The following TIAM1 variants were observed in gnomAD, a reference collection of about 807,000 sequenced individuals.
The protein encoded by TIAM1 is rho guanine nucleotide exchange factor TIAM1.
TIAM1 carries 65 observed loss-of-function variants against 163.5 expected under a neutral mutation model. The ratio of observed to expected loss-of-function variants is 0.40; its 90% CI spans 0.33 to 0.49. TIAM1 has a LOEUF of 0.49. Among genes scored for constraint, TIAM1 ranks in the 20% least tolerant of loss-of-function variants. The probability of loss-of-function intolerance (pLI) is 0.77; values close to 1 mark genes in which losing one functional copy is unlikely to be tolerated. For synonymous variants in TIAM1, 833 were observed against 810.1 expected, an observed-to-expected ratio of 1.03 and a Z score of -0.48; for missense variants, 1,789 against 2,044.7, an observed-to-expected ratio of 0.87 and a Z score of 2.41.
chr21:31,352,838 G>C, intron 2 of TIAM1, among the ~76,000 whole-genome samples: 1 of 150,908 alleles, frequency 6.6e-6, no homozygotes. Context: ...TCATGCCACT[G>C]CACTGTAGCC....
chr21:31,162,324 C>T (rs2083967858), intron 16 of TIAM1, among the ~76,000 whole-genome samples: 1 of 152,102 alleles, frequency 6.6e-6, no homozygotes, highest in Admixed American at 6.5e-5. Context: ...AGTATTACTT[C>T]TCATTTACTA....
chr21:31,556,709 C>T (rs190562052), intron 1 of TIAM1, among the ~76,000 whole-genome samples: 1 of 152,304 alleles, frequency 6.6e-6, no homozygotes, highest in Admixed American at 6.5e-5. Context: ...ACATTCACAA[C>T]ATTTTGAAGA....
At chr21:31,366,016 G>A (rs2076499055) in intron 2 of TIAM1, among the ~76,000 whole-genome samples, 1 of 149,936 alleles carries the variant, frequency 6.7e-6, no homozygotes, top group Non-Finnish European at 1.5e-5. Flanking sequence ...TAACCCGGGA[G>A]GTGGAGGTTG....
At chr21:31,476,405 C>T (rs2045937192) in intron 1 of TIAM1, among the ~76,000 whole-genome samples, 1 of 152,154 alleles carries the variant, frequency 6.6e-6, no homozygotes, top group African/African-American at 2.4e-5. Flanking sequence ...AGGGCTTGGG[C>T]CATTTCAGGA....
intron 19 of TIAM1, among the ~76,000 whole-genome samples, chr21:31,148,548 C>T (rs2083239380): frequency 6.6e-6 from 1 of 152,072 alleles, no homozygotes; most frequent in African/African-American, 2.4e-5. Flanking sequence ...AGAGTCATAC[C>T]CAAGAATTAA....
At chr21:31,278,647 T>C (rs1016107591) in intron 2 of TIAM1, among the ~76,000 whole-genome samples, 3 of 152,186 alleles carry the variant, frequency 2.0e-5, no homozygotes, top group African/African-American at 7.2e-5. Flanking sequence ...AATGGAACAA[T>C]AAGCAAAGAC....
chr21:31,542,402 G>T (rs1472767458), intron 1 of TIAM1, among the ~76,000 whole-genome samples: 2 of 151,830 alleles, frequency 1.3e-5, no homozygotes, highest in Admixed American at 1.3e-4. Flanking sequence ...ACTCCAGCCT[G>T]GGGGATAGAG....
intron 2 of TIAM1, among the ~76,000 whole-genome samples, chr21:31,450,703 C>T (rs966945751): frequency 3.3e-5 from 5 of 152,144 alleles, no homozygotes; most frequent in Non-Finnish European, 5.9e-5. Flanking sequence ...GCTGGGGAGG[C>T]CTCACAATCG....
At chr21:31,203,089 C>T (rs2833335) in intron 11 of TIAM1, 77 bp from the exon 12 acceptor site, 145,092 of 1,135,478 alleles carry the variant, frequency 0.13, 17,025 homozygotes, top group African/African-American at 0.47. Context: ...CACCAACATA[C>T]GATGTATTCC....
intron 2 of TIAM1, among the ~76,000 whole-genome samples, chr21:31,384,000 T>C (rs983893043): frequency 2.6e-5 from 4 of 152,138 alleles, no homozygotes; most frequent in Non-Finnish European, 2.9e-5. Context: ...AATTATCATA[T>C]GCAATCGAGC....
At chr21:31,149,327 T>C in intron 19 of TIAM1, among the ~76,000 whole-genome samples, 1 of 152,234 alleles carries the variant, frequency 6.6e-6, no homozygotes, top group East Asian at 1.9e-4. Context: ...TATTTACTGG[T>C]TGAGCATCAA....
chr21:31,491,610 T>C (rs2046471439), intron 1 of TIAM1, among the ~76,000 whole-genome samples: 2 of 152,232 alleles, frequency 1.3e-5, no homozygotes, highest in Non-Finnish European at 2.9e-5. Context: ...ACTGATATCT[T>C]TTATGACATA....
At chr21:31,373,945 C>A (rs2076642976) in intron 2 of TIAM1, among the ~76,000 whole-genome samples, 1 of 152,108 alleles carries the variant, frequency 6.6e-6, no homozygotes, top group African/African-American at 2.4e-5. Context: ...CTGGAAGCAG[C>A]AGCATCCTCT....
chr21:31,453,119 G>C (rs2044935057), intron 2 of TIAM1: 1 of 323,692 alleles, frequency 3.1e-6, no homozygotes, highest in South Asian at 3.4e-5. Flanking sequence ...AGACAGTGAT[G>C]AGGATTCTCC....
chr21:31,339,591 A>G (rs1366174313), intron 1 of TIAM1, among the ~76,000 whole-genome samples, 169 bp from the exon 2 acceptor site: 2 of 152,210 alleles, frequency 1.3e-5, no homozygotes, highest in East Asian at 3.8e-4. Flanking sequence ...AGCAGTTCGT[A>G]TTTTAATAAA....
At chr21:31,511,440 T>C (rs1227811606) in intron 1 of TIAM1, among the ~76,000 whole-genome samples, 3 of 152,194 alleles carry the variant, frequency 2.0e-5, no homozygotes, top group African/African-American at 7.2e-5. Context: ...GGTCTGTCCC[T>C]TACCAGACAT....
At chr21:31,436,573 G>C (rs1052234848) in intron 2 of TIAM1, among the ~76,000 whole-genome samples, 1 of 152,054 alleles carries the variant, frequency 6.6e-6, no homozygotes, top group African/African-American at 2.4e-5. Context: ...GTTGCAGTGA[G>C]CTGAGATGGA....
chr21:31,124,714 A>G lies in TIAM1; in HGVS notation c.4134-20T>C. On this transcript the variant is annotated intron_variant, in intron 26 of 27. Transcript: ENST00000541036. ...GGGGAGCTAGGAAAAGAAGATTTACAGATGTTAGAGAATCAGGGCTTAACA... is the reference window on the plus strand; with the variant it reads ...GGGGAGCTAGGAAAAGAAGATTTACGGATGTTAGAGAATCAGGGCTTAACA... 1 of 1,541,486 alleles carries G rather than the reference A, an allele frequency of 6.5e-7. No individual in the cohort carries two copies. The highest frequency in any genetic ancestry group is 1.3e-5 in the South Asian group (1 of 78,356).
intron 2 of TIAM1, among the ~76,000 whole-genome samples, chr21:31,460,311 ATC>A (rs1472130337): frequency 6.6e-6 from 1 of 152,106 alleles, no homozygotes; most frequent in Admixed American, 6.6e-5. Flanking sequence ...AAACCCCACA[ATC>A]TGTGCACCAC....
Sources: gnomAD v4.1 joint callset for allele counts (sites outside exome capture counted in the v4.1 genomes callset) on GRCh38, gnomAD v4.1.1 for gene constraint, MANE v1.5 for transcripts, NCBI Gene and HGNC (gene_info 2026-07-23, HGNC 2026-07-21) for gene names.